Variants in LAMA2 observed in about 807,000 individuals in gnomAD.
LAMA2 encodes laminin subunit alpha-2.
A neutral mutation model predicts 364.8 loss-of-function variants in LAMA2; 269 were observed. That is an observed-to-expected ratio of 0.74 (90% CI 0.67 to 0.82). LAMA2 has a LOEUF of 0.82. Ranked by LOEUF, LAMA2 falls within the 40% of genes least tolerant of loss-of-function variation. The pLI is 0.00. For synonymous variants in LAMA2, 1,379 were observed against 1,370.6 expected, an observed-to-expected ratio of 1.01 and a Z score of -0.14; for missense variants, 3,807 against 3,873.2, an observed-to-expected ratio of 0.98 and a Z score of 0.45.
At chr6:129,176,196 T>C (rs1428556397) in intron 9 of LAMA2, among the ~76,000 whole-genome samples, 2 of 152,014 alleles carry the variant, frequency 1.3e-5, no homozygotes, top group African/African-American at 2.4e-5. Context: ...CCAAGAGTTA[T>C]TAAAGAGAAA....
chr6:128,905,680 T>C (rs892701296), intron 1 of LAMA2: 1 of 152,014 alleles, frequency 6.6e-6, no homozygotes, highest in South Asian at 2.1e-4. Flanking sequence ...CATGTGCACA[T>C]TGTGCAGGTT....
chr6:128,957,018 G>A (rs1027406011), intron 1 of LAMA2, among the ~76,000 whole-genome samples: 1 of 152,046 alleles, frequency 6.6e-6, no homozygotes, highest in Non-Finnish European at 1.5e-5. Flanking sequence ...ATAATGTTTC[G>A]AGAGCAGCAG....
At chr6:129,267,074 C>T (rs1787571019) in intron 15 of LAMA2, 32 bp from the exon 16 acceptor site, 3 of 1,375,040 alleles carry the variant, frequency 2.2e-6, no homozygotes, top group Non-Finnish European at 3.1e-6. Flanking sequence ...TTTTAATCTC[C>T]AAGACTGACT....
chr6:129,063,499 C>T (rs181913462), intron 3 of LAMA2, among the ~76,000 whole-genome samples: 7 of 152,008 alleles, frequency 4.6e-5, no homozygotes, highest in South Asian at 4.2e-4. Context: ...GATTGGCAGG[C>T]GGGGTAAAAC....
chr6:128,962,877 A>G (rs2114599670), intron 1 of LAMA2, among the ~76,000 whole-genome samples: 1 of 152,338 alleles, frequency 6.6e-6, no homozygotes, highest in Admixed American at 6.5e-5. Context: ...AATTTTCTCA[A>G]AAGGCAAAGG....
At chr6:129,238,935 A>T (rs998589614) in intron 12 of LAMA2, among the ~76,000 whole-genome samples, 1 of 151,946 alleles carries the variant, frequency 6.6e-6, no homozygotes, top group Admixed American at 6.6e-5. Context: ...AAAATAACAT[A>T]CCAGATGTTT....
intron 2 of LAMA2, 63 bp downstream of exon 2, chr6:129,050,151 G>A: frequency 1.3e-6 from 2 of 1,514,984 alleles, no homozygotes; most frequent in Admixed American, 3.4e-5. Flanking sequence ...AGATGTTGAG[G>A]CCAAGTTGCA....
rs1583787006 is a variant in LAMA2 at position 129,453,043 on chromosome 6, T to C, written c.6485T>C (p.Ile2162Thr). 1 of 1,612,742 alleles carries C rather than the reference T, an allele frequency of 6.2e-7. No individual in the cohort carries two copies. Among genetic ancestry groups the C allele is most frequent in the Non-Finnish European group, 8.5e-7 (1 of 1,179,154 alleles). The change falls in exon 46 of 65, where the codon ATC (isoleucine) becomes ACC (threonine). Residue 2162 changes from isoleucine to threonine, a missense_variant. By Grantham distance (89) the Ile-to-Thr change is moderately conservative. Around this residue, in one of 3 missense-constraint regions of LAMA2, gnomAD observed 3,333 missense variants for 3,345.7 expected, o/e 1.00. Coordinates refer to ENST00000421865, the MANE Select transcript of LAMA2 (RefSeq NM_000426.4). ...TGCATTCGAACATACAAACCAGAAA[T>C]CAAGAAAGGAAGTTACAATAATATT... ...GDCIRTYKPE[I>T]KKGSYNNIVV...
At chr6:129,457,154 T>A (rs9375630) in intron 48 of LAMA2, among the ~76,000 whole-genome samples, 22,591 of 151,906 alleles carry the variant, frequency 0.15, 1,776 homozygotes, top group East Asian at 0.21. Flanking sequence ...TCATCCTGAG[T>A]TGAGATTAGT....
chr6:129,271,546 T>C (rs1787941120), intron 17 of LAMA2, among the ~76,000 whole-genome samples: 1 of 149,550 alleles, frequency 6.7e-6, no homozygotes, highest in African/African-American at 2.5e-5. Context: ...CTTGGCTCAC[T>C]GCAAGCTCTG....
chr6:128,958,752 A>G (rs1286626208), intron 1 of LAMA2, among the ~76,000 whole-genome samples: 3 of 152,194 alleles, frequency 2.0e-5, no homozygotes, highest in Non-Finnish European at 4.4e-5. Context: ...GAGTCAAATA[A>G]TACAGAAAAG....
chr6:128,931,265 A>G (rs1779457536), intron 1 of LAMA2, among the ~76,000 whole-genome samples: 1 of 152,192 alleles, frequency 6.6e-6, no homozygotes. Context: ...ATGAATTCCC[A>G]AATGATTTTG....
chr6:129,017,264 C>A (rs1351556470), intron 1 of LAMA2, among the ~76,000 whole-genome samples: 1 of 151,864 alleles, frequency 6.6e-6, no homozygotes, highest in Admixed American at 6.6e-5. Context: ...AATTCAATTT[C>A]CACATTTTCT....
At chr6:129,009,667 T>C (rs1244308519) in intron 1 of LAMA2, among the ~76,000 whole-genome samples, 1 of 152,200 alleles carries the variant, frequency 6.6e-6, no homozygotes. Context: ...ATTCATAGAT[T>C]GCAAATGAGC....
At chr6:129,477,350 C>A (rs190151803) in intron 53 of LAMA2, among the ~76,000 whole-genome samples, 5 of 152,168 alleles carry the variant, frequency 3.3e-5, no homozygotes, top group Admixed American at 1.3e-4. Context: ...TGGAATAGCA[C>A]TGTTATAATT....
rs1296761337 is a variant in LAMA2, at chr6:129,143,900, G to T, written c.640-1G>T. The T allele has an allele frequency of 6.3e-7, 1 of 1,586,014 alleles. No individual in the cohort carries two copies. The highest frequency in any genetic ancestry group is 8.7e-7 in the Non-Finnish European group (1 of 1,155,250). ...GTTAAATTATTTTTCATATTGTGTA[G>T]ATTCACATCTCTTTAATCAATGGGA... is the stretch of plus-strand genomic sequence containing the variant. On this transcript the variant is annotated splice_acceptor_variant, in intron 4 of 64. Transcript: ENST00000421865. LOFTEE classifies it high-confidence loss of function.
chr6:129,087,249 C>A (rs1455878630), intron 3 of LAMA2, among the ~76,000 whole-genome samples: 2 of 152,204 alleles, frequency 1.3e-5, no homozygotes, highest in African/African-American at 4.8e-5. Context: ...CTACCTGTCT[C>A]TTAGAGTTCT....
chr6:129,216,184 G>A (rs1231991097), intron 12 of LAMA2, among the ~76,000 whole-genome samples: 5 of 152,194 alleles, frequency 3.3e-5, no homozygotes, highest in African/African-American at 1.2e-4. Flanking sequence ...ACATTCTGCA[G>A]ATTAAACACC....
intron 12 of LAMA2, among the ~76,000 whole-genome samples, chr6:129,233,241 T>A (rs1784782298): frequency 6.6e-6 from 1 of 152,172 alleles, no homozygotes; most frequent in Admixed American, 6.6e-5. Flanking sequence ...TGTGTTGCTT[T>A]CAATTGCTAA....
Sources: allele counts gnomAD v4.1 joint callset (sites outside exome capture counted in the v4.1 genomes callset), GRCh38; gene constraint gnomAD v4.1.1; regional missense constraint gnomAD v4.1.1; transcripts MANE v1.5; gene names NCBI Gene and HGNC (gene_info 2026-07-23, HGNC 2026-07-21).